CD3G: variants seen among roughly 807,000 people sequenced by gnomAD.
CD3G encodes the protein T-cell surface glycoprotein CD3 gamma chain.
Under a neutral mutation model 28.3 loss-of-function variants are expected in CD3G, and 24 were observed. The observed-to-expected ratio is 0.85, with a 90% CI of 0.61 to 1.19. The LOEUF (loss-of-function observed/expected upper bound fraction) is 1.19. Ranked by LOEUF, CD3G falls within the 50% of genes most tolerant of loss-of-function variation. The pLI is 0.00. For missense variants in CD3G, 211 were observed against 210.0 expected (o/e 1.00, Z -0.03); for synonymous variants, 71 against 75.9 (o/e 0.93, Z 0.34).
intron 1 of CD3G, among the ~76,000 whole-genome samples, chr11:118,346,823 CAA>C (rs34736081): frequency 1.1e-3 from 117 of 106,600 alleles, no homozygotes; most frequent in Non-Finnish European, 1.7e-3. Flanking sequence ...AAAGATGTCT[CAA>C]AAAAAAAAAA....
In CD3G at chr11:118,350,036, T is replaced by G. The variant is rs1948392231; in HGVS notation, c.307+66T>G. ...AGTATTTGCTGTTCTGGTGAGCTTT[T>G]TATCTGGGGTGAAAGTGGAAATAGA... On this transcript the variant is annotated intron_variant, in intron 3 of 6. Coordinates refer to ENST00000532917, the MANE Select transcript of CD3G (RefSeq NM_000073.3). The G allele has an allele frequency of 6.6e-6, 8 of 1,219,736 alleles. No individual in the cohort carries two copies. In the South Asian group the frequency reaches 9.8e-5, roughly 15 times the overall value. 75.6% of individuals were successfully genotyped at this position (1,219,736 alleles called of 1,614,324 possible).
At position 118,349,759 on chromosome 11, in the gene CD3G, G is replaced by C; in HGVS notation, c.96G>C (p.Lys32Asn). The change falls in exon 3 of 7, where the codon AAG becomes AAC. Residue 32 changes from lysine to asparagine, a missense_variant. Lys to Asn is a moderately conservative substitution (Grantham distance 94, BLOSUM62 0). Coordinates refer to ENST00000532917, the MANE Select transcript of CD3G (RefSeq NM_000073.3). Reference sequence around the variant, plus strand: ...TCATTTCAGGAAACCACTTGGTTAAGGTGTATGACTATCAAGAAGATGGTT... The same window carrying C: ...TCATTTCAGGAAACCACTTGGTTAACGTGTATGACTATCAAGAAGATGGTT... ...AQSIKGNHLV[K>N]VYDYQEDGSV... The C allele has an allele frequency of 6.2e-7, 1 of 1,613,710 alleles. No homozygotes were observed. Among genetic ancestry groups the C allele is most frequent in the Non-Finnish European group, 8.5e-7 (1 of 1,179,672 alleles).
intron 1 of CD3G, among the ~76,000 whole-genome samples, chr11:118,347,374 C>T (rs1948366472): frequency 6.6e-6 from 1 of 152,136 alleles, no homozygotes; most frequent in Non-Finnish European, 1.5e-5. Context: ...GTCATATAAG[C>T]ACTAAAAGAT....
intron 1 of CD3G, among the ~76,000 whole-genome samples, chr11:118,345,384 G>A (rs1305335737): frequency 5.9e-5 from 9 of 152,140 alleles, no homozygotes; most frequent in South Asian, 2.1e-4. Flanking sequence ...TTAAGTCTGC[G>A]GGATGTGGCA....
In CD3G at chr11:118,350,740, C is replaced by T. The variant is rs537502189; in HGVS notation, c.439+57C>T. 324 of 1,612,328 alleles carry T rather than the reference C, an allele frequency of 2.0e-4. 2 individuals are homozygous for T. In the South Asian group the frequency reaches 3.4e-3, roughly 17 times the overall value. ...CCACCTGAGACCCTCAGCTTTCCTC[C>T]TACCATTATGTACCCAATGGAAGAG... On this transcript the variant is annotated intron_variant, in intron 4 of 6. Transcript: ENST00000532917.
chr11:118,349,907 C>G lies in CD3G; in HGVS notation c.244C>G (p.Arg82Gly). 7.4e-6 allele frequency: 12 copies of G among 1,614,044 alleles called. No homozygotes were observed. The highest frequency in any genetic ancestry group is 1.0e-5 in the Non-Finnish European group (12 of 1,179,998). The part of the protein sequence containing the change: ...WNLGSNAKDP[R>G]GMYQCKGSQN... ...TCTGGGAAGTAATGCCAAGGACCCT[C>G]GAGGGATGTATCAGTGTAAAGGATC... Residue 82 changes from arginine (R) to glycine (G), a missense_variant, in exon 3 of 7, where the codon CGA becomes GGA. Coordinates refer to ENST00000532917, the MANE Select transcript of CD3G (RefSeq NM_000073.3).
chr11:118,350,482 A>G, intron 3 of CD3G, 70 bp from the exon 4 acceptor site: 1 of 1,085,562 alleles, frequency 9.2e-7, no homozygotes, highest in Non-Finnish European at 1.4e-6. Context: ...TATTGCAGAC[A>G]GGCAGGAGAA....
intron 1 of CD3G, 81 bp from the exon 2 acceptor site, chr11:118,348,946 T>A: frequency 6.6e-7 from 1 of 1,505,640 alleles, no homozygotes; most frequent in Non-Finnish European, 9.2e-7. Context: ...CATCTTGGCC[T>A]CAAATAACCA....
intron 3 of CD3G, 130 bp from the exon 4 acceptor site, chr11:118,350,422 C>T (rs3753060): frequency 0.2 from 157,339 of 776,208 alleles, 21,322 homozygotes; most frequent in East Asian, 0.5. Context: ...AGGATCTTCC[C>T]TTGCCCTGCC....
At chr11:118,348,345 A>AT (rs1197841895) in intron 1 of CD3G, among the ~76,000 whole-genome samples, 35 of 152,182 alleles carry the variant, frequency 2.3e-4, no homozygotes, top group Admixed American at 3.3e-4. Context: ...AACTCACAGA[A>AT]TTTAAGAAAG....
chr11:118,352,321 T>C (rs1948417168), intron 5 of CD3G, 83 bp from the exon 6 acceptor site: 4 of 1,155,948 alleles, frequency 3.5e-6, no homozygotes, highest in Non-Finnish European at 3.9e-6. Flanking sequence ...AATTCTCACA[T>C]ATAAAAAACA....
intron 1 of CD3G, among the ~76,000 whole-genome samples, chr11:118,348,797 T>C (rs1366354156): frequency 6.6e-6 from 1 of 152,208 alleles, no homozygotes; most frequent in African/African-American, 2.4e-5. Context: ...TTCCAACGGT[T>C]AGAAACACCC....
At chr11:118,344,845 C>T (rs1199137103) in intron 1 of CD3G, among the ~76,000 whole-genome samples, 1 of 152,226 alleles carries the variant, frequency 6.6e-6, no homozygotes, top group Non-Finnish European at 1.5e-5. Flanking sequence ...TAGGAAATGT[C>T]CATTCACTCA....
intron 1 of CD3G, among the ~76,000 whole-genome samples, chr11:118,346,176 G>A (rs1380458773): frequency 1.3e-5 from 2 of 152,308 alleles, no homozygotes; most frequent in East Asian, 1.9e-4. Flanking sequence ...GCTCATGCCT[G>A]TAATCCCAGC....
chr11:118,349,142 T>C, intron 2 of CD3G, 92 bp downstream of exon 2: 2 of 1,612,998 alleles, frequency 1.2e-6, no homozygotes, highest in Non-Finnish European at 1.7e-6. Context: ...GCGAACAGTT[T>C]AGAATGAATG....
chr11:118,350,419 T>G (rs1948396147), intron 3 of CD3G, 133 bp from the exon 4 acceptor site: 3 of 769,170 alleles, frequency 3.9e-6, no homozygotes, highest in African/African-American at 1.7e-5. Flanking sequence ...GCAAGGATCT[T>G]CCCTTGCCCT....
Position 118,350,618 on chromosome 11 carries a change from G to A in CD3G, c.374G>A (p.Ser125Asn), listed in dbSNP as rs1202216945. 1 of 1,614,086 alleles carries A rather than the reference G, an allele frequency of 6.2e-7. No individual in the cohort carries two copies. The stretch of plus-strand genomic sequence containing the variant: ...GGCTTTCTCTTTGCTGAAATCGTCA[G>A]CATTTTCGTCCTTGCTGTTGGGGTC... Reference protein sequence around the residue: ...ISGFLFAEIVSIFVLAVGVYF... With the variant: ...ISGFLFAEIVNIFVLAVGVYF... Residue 125 changes from serine to asparagine, a missense_variant, in exon 4 of 7, where the codon AGC becomes AAC. Coordinates refer to ENST00000532917, the MANE Select transcript of CD3G (RefSeq NM_000073.3).
chr11:118,348,621 C>A (rs922990383), intron 1 of CD3G, among the ~76,000 whole-genome samples: 3 of 152,182 alleles, frequency 2.0e-5, no homozygotes, highest in African/African-American at 4.8e-5. Context: ...TGATCTCAAT[C>A]TCTAGGATCC....
At chr11:118,347,458 G>A (rs1004691081) in intron 1 of CD3G, among the ~76,000 whole-genome samples, 1 of 152,106 alleles carries the variant, frequency 6.6e-6, no homozygotes, top group African/African-American at 2.4e-5. Context: ...TTTGGAAGCA[G>A]CAGTTGATTC....
Sources: gnomAD v4.1 joint callset for allele counts (sites outside exome capture counted in the v4.1 genomes callset) on GRCh38, gnomAD v4.1.1 for gene constraint, MANE v1.5 for transcripts, NCBI Gene and HGNC (gene_info 2026-07-23, HGNC 2026-07-21) for gene names.